The following GALNT16 variants were observed in gnomAD, a reference collection of about 807,000 sequenced individuals.
GALNT16 encodes the protein polypeptide N-acetylgalactosaminyltransferase 16, also known as UDP-GalNAc:polypeptide N-acetylgalactosaminyltransferase-like protein 1.
Under a neutral mutation model 76.1 loss-of-function variants are expected in GALNT16, and 40 were observed. The ratio of observed to expected loss-of-function variants is 0.53; its 90% CI spans 0.41 to 0.68. The LOEUF (loss-of-function observed/expected upper bound fraction) is 0.68. Among genes scored for constraint, GALNT16 ranks in the 30% least tolerant of loss-of-function variants. The pLI is 0.00. For missense variants in GALNT16, 621 were observed against 731.9 expected (o/e 0.85, Z 1.75); for synonymous variants, 276 against 285.2 (o/e 0.97, Z 0.32).
At chr14:69,305,119 C>T (rs72625673) in intron 1 of GALNT16, among the ~76,000 whole-genome samples, 9,758 of 144,468 alleles carry the variant, frequency 0.068, 603 homozygotes, top group East Asian at 0.34. Context: ...TCCACATCCT[C>T]ACCAACACTT....
intron 1 of GALNT16, among the ~76,000 whole-genome samples, chr14:69,301,026 A>G (rs1362357055): frequency 6.6e-6 from 1 of 152,174 alleles, no homozygotes; most frequent in Non-Finnish European, 1.5e-5. Context: ...TGCTGAGCTA[A>G]TTCTATCCCT....
rs142749526 is a variant in GALNT16, at chr14:69,323,910, C to T, written c.336-782C>T. ...AGAAGATTGCTATGAAAACCAGCAACGGAGGCCACCTTCCAGCACCCCAGG... is the reference window on the plus strand; with the variant it reads ...AGAAGATTGCTATGAAAACCAGCAATGGAGGCCACCTTCCAGCACCCCAGG... On this transcript the variant is annotated intron_variant, in intron 2 of 14. Transcript: ENST00000448469. Among the ~76,000 whole-genome samples the T allele has an allele frequency of 9.9e-5, 15 of 152,182 alleles. No individual in the cohort carries two copies. The East Asian group carries it at 2.1e-3, about 21-fold the overall frequency.
At position 69,261,100 on chromosome 14, in the gene GALNT16, C is replaced by T. The variant is rs1191162670; in HGVS notation, c.177+633C>T. Among the ~76,000 whole-genome samples the T allele has an allele frequency of 2.0e-5, 3 of 152,240 alleles. No individual in the cohort carries two copies. The highest frequency in any genetic ancestry group is 4.4e-5 in the Non-Finnish European group (3 of 68,050). On this transcript the variant is annotated intron_variant, in intron 1 of 14. Coordinates refer to ENST00000448469, the MANE Select transcript of GALNT16 (RefSeq NM_001168368.2). This position sits in a 1 kb window ranked among gnomAD's most constrained non-coding sequence, Gnocchi z 6.4. The stretch of plus-strand genomic sequence containing the variant: ...CGTCTCTCACTCCCAACCTTAGGGT[C>T]CGCCACCACGGGTAGGTGGGCAGTG...
At chr14:69,344,543 G>T (rs2045536745) in intron 12 of GALNT16, among the ~76,000 whole-genome samples, 1 of 152,232 alleles carries the variant, frequency 6.6e-6, no homozygotes, top group Non-Finnish European at 1.5e-5. Flanking sequence ...GCCTGGCACT[G>T]CTGGGGAGCT....
chr14:69,299,544 T>G (rs2140138660), intron 1 of GALNT16, among the ~76,000 whole-genome samples: 1 of 151,810 alleles, frequency 6.6e-6, no homozygotes, highest in African/African-American at 2.4e-5. Flanking sequence ...GGGTGGGGAG[T>G]GCTGAGCAGT....
chr14:69,352,170 G>A lies in GALNT16; in HGVS notation c.*2G>A, dbSNP rs768221234. On this transcript the variant is annotated 3_prime_UTR_variant, in exon 15 of 15. Transcript: ENST00000448469. ...TGGCAGCTGTTGCCACACACATGAC[G>A]GTAGCCCTGGGGCCTCCTGTACCTT... The A allele has an allele frequency of 5.6e-6, 9 of 1,606,034 alleles. No homozygotes were observed. The highest frequency in any genetic ancestry group is 1.1e-5 in the South Asian group (1 of 89,984).
the GALNT16 span, chr14:69,380,382 T>C: frequency 2.2e-6 from 1 of 450,870 alleles, no homozygotes. Flanking sequence ...GGTTTCCGAT[T>C]GAACAAGATC....
chr14:69,342,527 GAGGAA>G (rs2045506718), intron 12 of GALNT16, among the ~76,000 whole-genome samples: 2 of 97,742 alleles, frequency 2.0e-5, no homozygotes, highest in Non-Finnish European at 5.1e-5. Context: ...GGGAGAGGGA[GAGGAA>G]AAGAAAAGAA....
At chr14:69,377,061 C>G in the GALNT16 span, among the ~76,000 whole-genome samples, 61 of 152,264 alleles carry the variant, frequency 4.0e-4, no homozygotes, top group Non-Finnish European at 7.1e-4. Flanking sequence ...AGGAATACTC[C>G]CGTGGAAGAG....
At chr14:69,285,463 A>C (rs2044599490) in intron 1 of GALNT16, among the ~76,000 whole-genome samples, 1 of 149,952 alleles carries the variant, frequency 6.7e-6, no homozygotes, top group African/African-American at 2.4e-5. Flanking sequence ...TTTTCTCATC[A>C]TTACTGTTGT....
At chr14:69,371,199 T>G in the GALNT16 span, among the ~76,000 whole-genome samples, 459 of 152,188 alleles carry the variant, frequency 3.0e-3, 4 homozygotes, top group African/African-American at 0.011. Context: ...AGGGGTAACT[T>G]CACGGTAACA....
rs115324682 is a variant in GALNT16 at position 69,334,337 on chromosome 14, C to G, written c.967+737C>G. On this transcript the variant is annotated intron_variant, in intron 9 of 14. Transcript: ENST00000448469. ...CCACAGAGTACCAGGGAAGGGTTACCAAGTGGGATCGGAGCCCAAACTCTG... is the reference window on the plus strand; with the variant it reads ...CCACAGAGTACCAGGGAAGGGTTACGAAGTGGGATCGGAGCCCAAACTCTG... 5.4e-4 allele frequency among the ~76,000 whole-genome samples: 83 copies of G among 152,300 alleles called. No individual in the cohort carries two copies. The South Asian group carries it at 0.017, about 31-fold the overall frequency.
chr14:69,347,874 C>A lies in GALNT16; in HGVS notation c.1414-3C>A. ...CTTGGCCTTTCTGCTCCCTGCCTTG[C>A]AGGCATGGCTGTTCAGTGACCACCT... is the stretch of plus-strand genomic sequence containing the variant. On this transcript the variant is annotated splice_region_variant and splice_polypyrimidine_tract_variant and intron_variant, in intron 13 of 14. Transcript: ENST00000448469. 6.2e-7 allele frequency: 1 copy of A among 1,613,120 alleles called. No homozygotes were observed. The highest frequency in any genetic ancestry group is 8.5e-7 in the Non-Finnish European group (1 of 1,179,970).
intron 1 of GALNT16, among the ~76,000 whole-genome samples, chr14:69,268,714 G>A (rs1051553503): frequency 3.3e-5 from 5 of 152,198 alleles, no homozygotes; most frequent in African/African-American, 9.7e-5. Context: ...ATTAGGTGGT[G>A]GCAAATACTA....
In GALNT16 at chr14:69,331,445, T is replaced by C. The variant is rs750251120; in HGVS notation, c.691-19T>C. ...CAGAGAAGTCCCAGGCCTCACACCA[T>C]CTCACATCTCTCTCCTAGGACCACA... is the stretch of plus-strand genomic sequence containing the variant. On this transcript the variant is annotated intron_variant, in intron 6 of 14. Transcript: ENST00000448469. The C allele has an allele frequency of 1.8e-5, 26 of 1,441,864 alleles. No homozygotes were observed. The highest frequency in any genetic ancestry group is 2.5e-5 in the Non-Finnish European group (26 of 1,023,318). The allele number at this position is 1,441,864 out of a possible 1,614,324, so 89.3% of individuals were successfully genotyped here. A position where few individuals can be genotyped will look rare whatever the true frequency, so the allele number is the denominator to read the frequency against.
intron 1 of GALNT16, among the ~76,000 whole-genome samples, chr14:69,274,440 T>C (rs538601796): frequency 3.2e-4 from 48 of 152,308 alleles, no homozygotes; most frequent in African/African-American, 9.9e-4. Context: ...TTTTCTCATG[T>C]GGTTGCAAAC....
chr14:69,288,182 G>A (rs2044640725), intron 1 of GALNT16, among the ~76,000 whole-genome samples: 1 of 152,186 alleles, frequency 6.6e-6, no homozygotes, highest in African/African-American at 2.4e-5. Flanking sequence ...ACAGGGGGAG[G>A]AAATGAAGGT....
In GALNT16 at chr14:69,347,982, A is replaced by C. The variant is rs1254827712; in HGVS notation, c.1519A>C (p.Asn507His). The C allele has an allele frequency of 2.5e-6, 4 of 1,613,988 alleles. No homozygotes were observed. Among genetic ancestry groups the C allele is most frequent in the African/African-American group, 2.7e-5 (2 of 74,924 alleles). Residue 507 changes from asparagine to histidine, a missense_variant, in exon 14 of 15, where the codon AAC becomes CAC. Transcript: ENST00000448469. Reference protein sequence around the residue: ...PGSPVILQMCNPREGKQKWRR... With the variant: ...PGSPVILQMCHPREGKQKWRR... ...ATCCCCAGTCATACTGCAGATGTGC[A>C]ACCCTAGAGAAGGCAAGCAGGTGAG...
intron 12 of GALNT16, 74 bp downstream of exon 12, chr14:69,341,838 C>A (rs1307389211): frequency 5.4e-6 from 5 of 922,106 alleles, no homozygotes; most frequent in Non-Finnish European, 8.8e-6. Context: ...TTGGTCCCAC[C>A]CCACCCTTAG....
Sources: gnomAD v4.1 joint callset for allele counts (sites outside exome capture counted in the v4.1 genomes callset) on GRCh38, gnomAD v4.1.1 for gene constraint, Gnocchi (gnomAD v3.1) non-coding constraint, MANE v1.5 for transcripts, NCBI Gene and HGNC (gene_info 2026-07-23, HGNC 2026-07-21) for gene names.